Variants in ZDHHC14 observed in about 807,000 individuals in gnomAD.
The protein encoded by ZDHHC14 is palmitoyltransferase ZDHHC14.
ZDHHC14 carries 16 observed loss-of-function variants against 47.7 expected under a neutral mutation model. That is an observed-to-expected ratio of 0.34 (90% CI 0.23 to 0.51). The LOEUF is 0.51. ZDHHC14 is among the 20% of genes least tolerant of loss of function. The pLI is 0.97. For synonymous variants in ZDHHC14, 293 were observed against 278.9 expected (o/e 1.05, Z -0.50); for missense variants, 515 against 662.5 (o/e 0.78, Z 2.44).
chr6:157,571,702 A>T (rs1562486712), intron 2 of ZDHHC14, among the ~76,000 whole-genome samples: 2 of 152,004 alleles, frequency 1.3e-5, no homozygotes. Flanking sequence ...TCAGCTGTAC[A>T]CAGGGAGCTG....
chr6:157,401,727 C>T (rs1777643012), intron 1 of ZDHHC14, among the ~76,000 whole-genome samples: 1 of 150,214 alleles, frequency 6.7e-6, no homozygotes, highest in South Asian at 2.1e-4. Context: ...GTGAGATGCG[C>T]ACCTGCTGAG....
chr6:157,459,386 G>A (rs1046730035), intron 1 of ZDHHC14, among the ~76,000 whole-genome samples: 1 of 152,162 alleles, frequency 6.6e-6, no homozygotes, highest in Non-Finnish European at 1.5e-5. Context: ...GGGTGAGGAG[G>A]GAGGCAAACG....
At chr6:157,665,260 T>C (rs1204320291) in intron 8 of ZDHHC14, among the ~76,000 whole-genome samples, 1 of 152,200 alleles carries the variant, frequency 6.6e-6, no homozygotes, top group Admixed American at 6.5e-5. Flanking sequence ...TTTGTCTCTA[T>C]AATTAGAGGA....
chr6:157,605,805 G>A (rs1214388163), intron 3 of ZDHHC14, among the ~76,000 whole-genome samples: 4 of 152,280 alleles, frequency 2.6e-5, no homozygotes, highest in East Asian at 1.9e-4. Flanking sequence ...TGGGCACAGC[G>A]GGTGGGGGGT....
intron 1 of ZDHHC14, among the ~76,000 whole-genome samples, chr6:157,417,953 CAAA>C (rs5881210): frequency 1.3e-5 from 1 of 76,766 alleles, no homozygotes; most frequent in Non-Finnish European, 2.7e-5. Context: ...GAGTCCATCT[CAAA>C]AAAAAAAAAA....
chr6:157,643,285 A>G (rs1777344771), intron 5 of ZDHHC14, among the ~76,000 whole-genome samples: 1 of 152,206 alleles, frequency 6.6e-6, no homozygotes, highest in Non-Finnish European at 1.5e-5. Context: ...CTTTGGATTC[A>G]TGTCATTTTG....
At chr6:157,409,616 C>T (rs1381243713) in intron 1 of ZDHHC14, among the ~76,000 whole-genome samples, 2 of 152,162 alleles carry the variant, frequency 1.3e-5, no homozygotes, top group South Asian at 2.1e-4. Context: ...CCTCTGCCCT[C>T]GTGGAGCAGA....
chr6:157,484,408 G>GTGTATA (rs1431345250), intron 1 of ZDHHC14, among the ~76,000 whole-genome samples: 1 of 140,820 alleles, frequency 7.1e-6, no homozygotes, highest in African/African-American at 2.7e-5. Flanking sequence ...ACATATATAT[G>GTGTATA]TATACACATA....
intron 3 of ZDHHC14, among the ~76,000 whole-genome samples, chr6:157,625,969 C>G (rs1785393771): frequency 6.6e-6 from 1 of 152,212 alleles, no homozygotes; most frequent in Non-Finnish European, 1.5e-5. Flanking sequence ...ACTGTCTCGT[C>G]CGCATCATCT....
At chr6:157,510,666 A>G (rs954283668) in intron 1 of ZDHHC14, among the ~76,000 whole-genome samples, 5 of 152,298 alleles carry the variant, frequency 3.3e-5, no homozygotes, top group South Asian at 4.1e-4. Flanking sequence ...CTTATTTGCA[A>G]TCCGCATAAG....
intron 1 of ZDHHC14, among the ~76,000 whole-genome samples, chr6:157,404,323 T>C (rs955344307): frequency 3.3e-5 from 5 of 151,954 alleles, no homozygotes; most frequent in Non-Finnish European, 7.4e-5. Context: ...TTCGTAGAGG[T>C]GGGGTTTTTC....
At chr6:157,568,839 G>T (rs966722744) in intron 2 of ZDHHC14, among the ~76,000 whole-genome samples, 6 of 152,026 alleles carry the variant, frequency 3.9e-5, no homozygotes, top group African/African-American at 1.4e-4. Flanking sequence ...TGAAATTGGG[G>T]GTTGGGGGCA....
At chr6:157,598,605 C>T (rs137972506) in intron 3 of ZDHHC14, among the ~76,000 whole-genome samples, 1 of 152,288 alleles carries the variant, frequency 6.6e-6, no homozygotes, top group Non-Finnish European at 1.5e-5. Context: ...AAATTACCAA[C>T]ATTTATGCAC....
chr6:157,446,816 A>G (rs1180526293), intron 1 of ZDHHC14, among the ~76,000 whole-genome samples: 2 of 152,228 alleles, frequency 1.3e-5, no homozygotes, highest in Non-Finnish European at 2.9e-5. Flanking sequence ...GTATATACAC[A>G]CATGGATATG....
intron 1 of ZDHHC14, among the ~76,000 whole-genome samples, chr6:157,415,456 T>C (rs974018869): frequency 6.6e-6 from 1 of 152,194 alleles, no homozygotes; most frequent in Non-Finnish European, 1.5e-5. Context: ...TGGGTAATAT[T>C]AGGGCTTTTA....
intron 5 of ZDHHC14, among the ~76,000 whole-genome samples, chr6:157,643,476 C>T (rs940265723): frequency 8.6e-5 from 13 of 151,294 alleles, no homozygotes; most frequent in African/African-American, 2.7e-4. Flanking sequence ...GGTGAAACCC[C>T]GTCTCTACTA....
chr6:157,474,725 C>A (rs141265020), intron 1 of ZDHHC14, among the ~76,000 whole-genome samples: 1 of 152,220 alleles, frequency 6.6e-6, no homozygotes, highest in East Asian at 1.9e-4. Context: ...TGAGAAATGT[C>A]TATTCTCATT....
chr6:157,396,932 T>C (rs1777534017), intron 1 of ZDHHC14, among the ~76,000 whole-genome samples: 1 of 152,266 alleles, frequency 6.6e-6, no homozygotes, highest in Non-Finnish European at 1.5e-5. Context: ...TATTTTTTAA[T>C]TTAGAAGTTG....
At chr6:157,424,688 G>C (rs532116760) in intron 1 of ZDHHC14, among the ~76,000 whole-genome samples, 1 of 152,282 alleles carries the variant, frequency 6.6e-6, no homozygotes, top group South Asian at 2.1e-4. Context: ...AGTAACATGG[G>C]GATAAGTTTG....
Sources: gnomAD v4.1 joint callset for allele counts (sites outside exome capture counted in the v4.1 genomes callset) on GRCh38, gnomAD v4.1.1 for gene constraint, MANE v1.5 for transcripts, NCBI Gene and HGNC (gene_info 2026-07-23, HGNC 2026-07-21) for gene names.